The following ANO3 variants were observed in gnomAD, a reference collection of about 807,000 sequenced individuals.
The protein encoded by ANO3 is anoctamin-3.
ANO3 carries 99 observed loss-of-function variants against 144.8 expected under a neutral mutation model. That is an observed-to-expected ratio of 0.68 (90% confidence interval 0.58 to 0.81). ANO3 has a LOEUF of 0.81. ANO3 is among the 30% of genes least tolerant of loss of function. The pLI is 0.00. For missense variants in ANO3, 905 were observed against 1,202.2 expected, an observed-to-expected ratio of 0.75 and a Z score of 3.66; for synonymous variants, 414 against 392.6, an observed-to-expected ratio of 1.05 and a Z score of -0.64.
chr11:26,230,085 TA>T (rs1310280181), intron 1 of ANO3, among the ~76,000 whole-genome samples: 2 of 152,190 alleles, frequency 1.3e-5, no homozygotes, highest in African/African-American at 2.4e-5. Flanking sequence ...ACTAGTTGCC[TA>T]AAAAACTTCA....
chr11:26,503,643 T>C (rs1021283455), intron 4 of ANO3, among the ~76,000 whole-genome samples: 1 of 152,106 alleles, frequency 6.6e-6, no homozygotes, highest in Non-Finnish European at 1.5e-5. Context: ...TTAGAATTTA[T>C]ATAATAATTA....
chr11:26,421,206 G>A lies in ANO3; in HGVS notation c.47-20712G>A, dbSNP rs564637158. Among the ~76,000 whole-genome samples, 306 of 152,098 alleles carry A rather than the reference G, an allele frequency of 2.0e-3. 1 individual carries two copies. Among genetic ancestry groups the A allele is most frequent in the Admixed American group, 3.7e-3 (56 of 15,248 alleles). On this transcript the variant is annotated intron_variant, in intron 1 of 26. Transcript: ENST00000256737. ...GATAAACTTGGTAATTTGTAGGCACGAAATACATAATTATTTTTATCACTA... is the reference window on the plus strand; with the variant it reads ...GATAAACTTGGTAATTTGTAGGCACAAAATACATAATTATTTTTATCACTA...
chr11:26,445,976 C>G (rs1809779), intron 3 of ANO3, among the ~76,000 whole-genome samples: 132,697 of 151,818 alleles, frequency 0.87, 58,555 homozygotes, highest in East Asian at 1. Flanking sequence ...GGACTACAGG[C>G]ACTCACCACC....
At chr11:26,576,711 A>G (rs961077226) in intron 14 of ANO3, among the ~76,000 whole-genome samples, 5 of 152,080 alleles carry the variant, frequency 3.3e-5, no homozygotes, top group African/African-American at 4.8e-5. Context: ...TTATTTATGT[A>G]TGTATTTCTT....
chr11:26,313,501 A>C (rs1235181516), intron 1 of ANO3, among the ~76,000 whole-genome samples: 4 of 152,106 alleles, frequency 2.6e-5, no homozygotes, highest in African/African-American at 9.7e-5. Flanking sequence ...CCTGGCCAAC[A>C]TGGTGAAACC....
At chr11:26,360,420 G>T (rs1176686416) in intron 1 of ANO3, among the ~76,000 whole-genome samples, 1 of 152,028 alleles carries the variant, frequency 6.6e-6, no homozygotes, top group Admixed American at 6.6e-5. Flanking sequence ...TAAGATGGTG[G>T]GGAAGTAGAA....
At chr11:26,486,359 T>TGAAAA (rs1860448594) in intron 4 of ANO3, among the ~76,000 whole-genome samples, 5 of 50,078 alleles carry the variant, frequency 1.0e-4, no homozygotes, top group African/African-American at 3.8e-4. Context: ...AGACTCTGTC[T>TGAAAA]CAAAAAAAAA....
intron 1 of ANO3, among the ~76,000 whole-genome samples, chr11:26,255,138 G>C (rs886145063): frequency 6.6e-6 from 1 of 152,176 alleles, no homozygotes; most frequent in Non-Finnish European, 1.5e-5. Flanking sequence ...ATGTATCTCA[G>C]AGAGATTAAT....
intron 1 of ANO3, among the ~76,000 whole-genome samples, chr11:26,395,047 G>T (rs1856975836): frequency 6.6e-6 from 1 of 152,102 alleles, no homozygotes; most frequent in Non-Finnish European, 1.5e-5. Flanking sequence ...AATTTTGGGG[G>T]TTAAATCTGC....
At chr11:26,562,402 C>T (rs1850328775) in intron 14 of ANO3, among the ~76,000 whole-genome samples, 1 of 151,754 alleles carries the variant, frequency 6.6e-6, no homozygotes, top group African/African-American at 2.4e-5. Flanking sequence ...GACAAGAATC[C>T]CTTGTGCAAA....
chr11:26,616,552 G>A (rs1258626080), intron 17 of ANO3, among the ~76,000 whole-genome samples: 2 of 151,862 alleles, frequency 1.3e-5, no homozygotes, highest in African/African-American at 2.4e-5. Flanking sequence ...GAAAATGAAG[G>A]AGCCAAATAT....
chr11:26,263,466 T>C (rs1052496666), intron 1 of ANO3, among the ~76,000 whole-genome samples: 11 of 152,224 alleles, frequency 7.2e-5, no homozygotes, highest in African/African-American at 2.7e-4. Flanking sequence ...CTCTTCCTGT[T>C]GTCACTCCAT....
rs1178382361 is a variant in ANO3 at position 26,662,484 on chromosome 11, A to T, written c.*2040A>T. On this transcript the variant is annotated 3_prime_UTR_variant, in exon 27 of 27. Transcript: ENST00000256737. ...CTCTACCTAATAATAACATCAACCA[A>T]CATCTTTTCCAAATTAGGGCCACAG... The T allele has an allele frequency of 6.6e-6, 1 of 151,950 alleles. No homozygotes were observed. The highest frequency in any genetic ancestry group is 1.5e-5 in the Non-Finnish European group (1 of 67,974). 9.4% of individuals were successfully genotyped at this position (151,950 alleles called of 1,614,324 possible).
chr11:26,217,337 A>G (rs1276690968), intron 1 of ANO3, among the ~76,000 whole-genome samples: 1 of 152,004 alleles, frequency 6.6e-6, no homozygotes, highest in Non-Finnish European at 1.5e-5. Context: ...CCCCCCATCT[A>G]TCAATCTCTA....
Position 26,615,414 on chromosome 11 carries a change from A to ATATATATATATTTT in ANO3, c.1837-9047_1837-9046insATATATATATTTTT, listed in dbSNP as rs1352935016. On this transcript the variant is annotated intron_variant, in intron 17 of 26. Coordinates refer to ENST00000256737, the MANE Select transcript of ANO3 (RefSeq NM_031418.4). ...TCAGTTTATATATATATATATATAT[A>ATATATATATATTTT]TTTTTTTTTTTTCAGTTCCTCAATG... Among the ~76,000 whole-genome samples the ATATATATATATTTT allele has an allele frequency of 8.1e-3, 1,056 of 130,460 alleles. 5 individuals are homozygous for ATATATATATATTTT. The highest frequency in any genetic ancestry group is 0.011 in the Non-Finnish European group (680 of 62,434). 85.6% of individuals were successfully genotyped at this position (130,460 alleles called of 152,430 possible). A position where few individuals can be genotyped will look rare whatever the true frequency, so the allele number is the denominator to read the frequency against.
chr11:26,274,468 A>T (rs1853515177), intron 1 of ANO3, among the ~76,000 whole-genome samples: 1 of 152,106 alleles, frequency 6.6e-6, no homozygotes, highest in Admixed American at 6.6e-5. Flanking sequence ...TGTTGGCTAC[A>T]TAATGTGAAT....
chr11:26,406,982 A>T (rs1264948133), intron 1 of ANO3, among the ~76,000 whole-genome samples: 2 of 145,164 alleles, frequency 1.4e-5, no homozygotes, highest in African/African-American at 2.5e-5. Context: ...GTATATATAT[A>T]TATTTATAGG....
At chr11:26,390,031 A>G (rs1045582524) in intron 1 of ANO3, among the ~76,000 whole-genome samples, 1 of 152,108 alleles carries the variant, frequency 6.6e-6, no homozygotes, top group African/African-American at 2.4e-5. Context: ...AAGGGAAAAA[A>G]GAAGACAATA....
intron 20 of ANO3, 84 bp downstream of exon 20, chr11:26,635,154 G>A: frequency 4.9e-6 from 6 of 1,234,172 alleles, no homozygotes; most frequent in Non-Finnish European, 7.1e-6. Flanking sequence ...GAAGAAAGGA[G>A]AAGTTCAGGG....
Sources: gnomAD v4.1 joint callset for allele counts (sites outside exome capture counted in the v4.1 genomes callset) on GRCh38, gnomAD v4.1.1 for gene constraint, MANE v1.5 for transcripts, NCBI Gene and HGNC (gene_info 2026-07-23, HGNC 2026-07-21) for gene names.